Variants in MACROD2 observed in about 807,000 individuals in gnomAD.
MACROD2 encodes the protein mono-ADP ribosylhydrolase 2.
In MACROD2, 36 loss-of-function variants were observed where a neutral mutation model predicts 70.4. The observed-to-expected ratio is 0.51, with a 90% CI of 0.39 to 0.68. The LOEUF (loss-of-function observed/expected upper bound fraction) is 0.68, where lower values mean the gene tolerates loss of function less well. Among genes scored for constraint, MACROD2 ranks in the 30% least tolerant of loss-of-function variants. The pLI is 0.00. For synonymous variants in MACROD2, 172 were observed against 178.8 expected (o/e 0.96, Z 0.30); for missense variants, 496 against 538.4 (o/e 0.92, Z 0.78).
At chr20:15,105,631 G>A (rs431587) in intron 5 of MACROD2, among the ~76,000 whole-genome samples, 67,534 of 151,718 alleles carry the variant, frequency 0.45, 16,234 homozygotes, top group Non-Finnish European at 0.54. Context: ...ATAATTTGTC[G>A]AGGAAAAATT....
At chr20:15,793,374 A>G (rs2063643431) in intron 8 of MACROD2, among the ~76,000 whole-genome samples, 2 of 152,138 alleles carry the variant, frequency 1.3e-5, no homozygotes, top group African/African-American at 4.8e-5. Flanking sequence ...CAGGCACCAC[A>G]CTATGTAGAC....
intron 6 of MACROD2, among the ~76,000 whole-genome samples, chr20:15,344,903 A>G (rs112471835): frequency 0.018 from 2,721 of 152,308 alleles, 27 homozygotes; most frequent in South Asian, 0.036. Flanking sequence ...GCTGTAACAA[A>G]CTACCATGAA....
chr20:15,152,894 T>C (rs112642767), intron 5 of MACROD2, among the ~76,000 whole-genome samples: 4 of 151,916 alleles, frequency 2.6e-5, no homozygotes, highest in African/African-American at 4.8e-5. Context: ...ATGAAAGGAA[T>C]TGAAATTAAG....
At chr20:14,600,844 C>A (rs1982450612) in intron 4 of MACROD2, among the ~76,000 whole-genome samples, 1 of 152,156 alleles carries the variant, frequency 6.6e-6, no homozygotes, top group Non-Finnish European at 1.5e-5. Flanking sequence ...GGTATACTGT[C>A]TTTGCTTTAA....
chr20:15,083,217 TC>T (rs1244556219), intron 5 of MACROD2, among the ~76,000 whole-genome samples: 11 of 152,284 alleles, frequency 7.2e-5, no homozygotes, highest in African/African-American at 2.6e-4. Flanking sequence ...GACTGCTGCT[TC>T]ACATCTACCT....
Position 14,675,574 on chromosome 20 carries a change from A to G in MACROD2, c.302-9269A>G, listed in dbSNP as rs897754280. Among the ~76,000 whole-genome samples, 14 of 152,260 alleles carry G rather than the reference A, an allele frequency of 9.2e-5. No homozygotes were observed. In the East Asian group the frequency reaches 1.5e-3, roughly 17 times the overall value. On this transcript the variant is annotated intron_variant, in intron 4 of 17. Coordinates refer to ENST00000684519, the MANE Select transcript of MACROD2 (RefSeq NM_001351661.2). ...AGGAAGCACTAAATATGGAAAGGAA[A>G]AATCGGTACCAGCCACTGCAAAAAC...
chr20:15,345,745 C>T (rs2078158831), intron 6 of MACROD2, among the ~76,000 whole-genome samples: 1 of 152,134 alleles, frequency 6.6e-6, no homozygotes, highest in Non-Finnish European at 1.5e-5. Context: ...GGCCATTGTA[C>T]TGGAAGGTGC....
At chr20:14,043,787 A>G (rs140084611) in intron 2 of MACROD2, among the ~76,000 whole-genome samples, 7 of 152,258 alleles carry the variant, frequency 4.6e-5, no homozygotes, top group Admixed American at 6.5e-5. Context: ...CTTGGGGAGA[A>G]AAAGGATCAT....
intron 5 of MACROD2, among the ~76,000 whole-genome samples, chr20:14,927,389 C>A (rs913787): frequency 6.6e-6 from 1 of 152,068 alleles, no homozygotes; most frequent in Non-Finnish European, 1.5e-5. Context: ...CTAGACTGTC[C>A]TAGCAGAAAC....
At chr20:15,732,343 C>G (rs1479213175) in intron 8 of MACROD2, among the ~76,000 whole-genome samples, 1 of 152,132 alleles carries the variant, frequency 6.6e-6, no homozygotes, top group Non-Finnish European at 1.5e-5. Context: ...CTGCAGGTCA[C>G]AGAGCCACAA....
At chr20:15,247,656 C>T (rs972679816) in intron 6 of MACROD2, among the ~76,000 whole-genome samples, 1 of 151,940 alleles carries the variant, frequency 6.6e-6, no homozygotes, top group African/African-American at 2.4e-5. Flanking sequence ...TCTGCAGCAC[C>T]CTGCGTATAG....
At chr20:15,818,679 C>A (rs985536653) in intron 8 of MACROD2, among the ~76,000 whole-genome samples, 2 of 152,060 alleles carry the variant, frequency 1.3e-5, no homozygotes, top group African/African-American at 4.8e-5. Context: ...CAGGTCTCAG[C>A]CTCATTTTAC....
chr20:15,211,851 TGGACATGTGTTGTC>T (rs2076766772), intron 5 of MACROD2, among the ~76,000 whole-genome samples: 1 of 152,240 alleles, frequency 6.6e-6, no homozygotes, highest in African/African-American at 2.4e-5. Context: ...AGTTTTTGTG[TGGACATGTGTTGTC>T]AGTTCTCTTG....
At chr20:14,109,466 G>A (rs1033910850) in intron 3 of MACROD2, among the ~76,000 whole-genome samples, 1 of 151,648 alleles carries the variant, frequency 6.6e-6, no homozygotes, top group Non-Finnish European at 1.5e-5. Context: ...CAAATAAAAA[G>A]TTTGGTTTTT....
At chr20:14,890,870 A>T (rs545619968) in intron 5 of MACROD2, among the ~76,000 whole-genome samples, 31 of 152,250 alleles carry the variant, frequency 2.0e-4, no homozygotes, top group Admixed American at 1.8e-3. Flanking sequence ...CATGGAGGTC[A>T]TGGGTGGATT....
rs1289652442 is a variant in MACROD2 at position 14,084,082 on chromosome 20, C to CAA, written c.164-1531_164-1530dup. On this transcript the variant is annotated intron_variant, in intron 2 of 17. Transcript: ENST00000684519. ...GTCTCAAAAAAAAACAAAAAACAAA[C>CAA]AAAAAAAAACCTTCCGGGAGAGAAG... Among the ~76,000 whole-genome samples, 6 of 112,622 alleles carry CAA rather than the reference C, an allele frequency of 5.3e-5. 1 individual carries two copies. Among genetic ancestry groups the CAA allele is most frequent in the African/African-American group, 2.0e-4 (6 of 30,226 alleles). The allele number at this position is 112,622 out of a possible 152,430, so 73.9% of individuals were successfully genotyped here. A position where few individuals can be genotyped will look rare whatever the true frequency, so the allele number is the denominator to read the frequency against.
At chr20:14,137,507 G>A (rs1466714852) in intron 3 of MACROD2, among the ~76,000 whole-genome samples, 1 of 152,056 alleles carries the variant, frequency 6.6e-6, no homozygotes, top group Non-Finnish European at 1.5e-5. Context: ...GTTTGACAAA[G>A]GCACCCTGAA....
chr20:14,023,046 C>G (rs919261836), intron 2 of MACROD2, among the ~76,000 whole-genome samples: 3 of 152,228 alleles, frequency 2.0e-5, no homozygotes, highest in African/African-American at 7.2e-5. Context: ...TCCTATTTCT[C>G]CATGTCCTCT....
rs2147573527 is a variant in MACROD2 at position 16,028,108 on chromosome 20, C to G, written c.1154-13093C>G. ...TGGTTGGGACCACTATACAGAGAAG[C>G]TGGAACTCCTTTGAAACTGACTCAT... is the stretch of plus-strand genomic sequence containing the variant. On this transcript the variant is annotated intron_variant, in intron 15 of 17. Coordinates refer to ENST00000684519, the MANE Select transcript of MACROD2 (RefSeq NM_001351661.2). Among the ~76,000 whole-genome samples, 5 of 152,340 alleles carry G rather than the reference C, an allele frequency of 3.3e-5. No homozygotes were observed. In the South Asian group the frequency reaches 1.0e-3, roughly 32 times the overall value.
Sources: allele counts gnomAD v4.1 joint callset (sites outside exome capture counted in the v4.1 genomes callset), GRCh38; gene constraint gnomAD v4.1.1; transcripts MANE v1.5; gene names NCBI Gene and HGNC (gene_info 2026-07-23, HGNC 2026-07-21).